SLC4A10: variants seen among roughly 807,000 people sequenced by gnomAD.
SLC4A10 encodes the protein sodium-driven chloride bicarbonate exchanger.
In SLC4A10, 42 loss-of-function variants were observed where a neutral mutation model predicts 137.7. That is an observed-to-expected ratio of 0.30 (90% confidence interval 0.24 to 0.39). The LOEUF (loss-of-function observed/expected upper bound fraction) is 0.39. Ranked by LOEUF, SLC4A10 falls within the 10% of genes least tolerant of loss-of-function variation. The pLI, the probability that SLC4A10 is intolerant of heterozygous loss-of-function variation, is 1.00. For missense variants in SLC4A10, 925 were observed against 1,355.0 expected, an observed-to-expected ratio of 0.68 and a Z score of 4.98; for synonymous variants, 474 against 464.1, an observed-to-expected ratio of 1.02 and a Z score of -0.27.
At chr2:161,904,969 C>A in intron 14 of SLC4A10, 60 bp downstream of exon 14, 2 of 1,530,972 alleles carry the variant, frequency 1.3e-6, no homozygotes, top group Non-Finnish European at 8.9e-7. Flanking sequence ...TGTATTTATA[C>A]TTCTCCCAAC....
intron 1 of SLC4A10, among the ~76,000 whole-genome samples, chr2:161,638,527 G>A (rs185617413): frequency 7.2e-5 from 11 of 152,186 alleles, no homozygotes; most frequent in Admixed American, 2.6e-4. Context: ...GGTTACTATT[G>A]TTTTGCAGTG....
intron 3 of SLC4A10, among the ~76,000 whole-genome samples, chr2:161,816,027 T>C (rs2057025078): frequency 6.6e-6 from 1 of 152,172 alleles, no homozygotes; most frequent in Non-Finnish European, 1.5e-5. Context: ...CTAGTACTAA[T>C]CTTCTGCCTT....
chr2:161,821,960 C>G (rs1355662605), intron 3 of SLC4A10, among the ~76,000 whole-genome samples: 1 of 152,048 alleles, frequency 6.6e-6, no homozygotes, highest in Non-Finnish European at 1.5e-5. Flanking sequence ...GAATAGATGA[C>G]CCTATTTCAA....
intron 1 of SLC4A10, among the ~76,000 whole-genome samples, chr2:161,750,549 A>G (rs1210948108): frequency 6.6e-6 from 1 of 151,680 alleles, no homozygotes; most frequent in Non-Finnish European, 1.5e-5. Context: ...TTCTCATTTT[A>G]TTCCTGCCGC....
At chr2:161,875,260 A>T (rs987115038) in intron 8 of SLC4A10, among the ~76,000 whole-genome samples, 4 of 152,126 alleles carry the variant, frequency 2.6e-5, no homozygotes, top group Admixed American at 1.3e-4. Flanking sequence ...TTTTAGCCTT[A>T]TGATTTTAGT....
intron 1 of SLC4A10, among the ~76,000 whole-genome samples, chr2:161,675,473 C>T (rs916264837): frequency 6.6e-6 from 1 of 152,104 alleles, no homozygotes; most frequent in Non-Finnish European, 1.5e-5. Flanking sequence ...AAATTAACTT[C>T]ATTGATGTTT....
intron 3 of SLC4A10, among the ~76,000 whole-genome samples, chr2:161,828,897 A>G (rs1398988978): frequency 1.4e-5 from 2 of 147,650 alleles, no homozygotes; most frequent in African/African-American, 2.5e-5. Flanking sequence ...AGCTACTGAG[A>G]TATTTTCTTG....
chr2:161,694,802 T>C (rs2124949892), intron 1 of SLC4A10, among the ~76,000 whole-genome samples: 1 of 152,184 alleles, frequency 6.6e-6, no homozygotes, highest in East Asian at 1.9e-4. Context: ...GGAAGAAATA[T>C]TAACACATCC....
intron 10 of SLC4A10, among the ~76,000 whole-genome samples, chr2:161,885,042 G>T (rs1213587177): frequency 6.6e-6 from 1 of 152,168 alleles, no homozygotes; most frequent in African/African-American, 2.4e-5. Flanking sequence ...GCTGGGTGTG[G>T]TGGCAGGTGC....
chr2:161,641,611 T>G (rs2035335605), intron 1 of SLC4A10, among the ~76,000 whole-genome samples: 1 of 152,094 alleles, frequency 6.6e-6, no homozygotes, highest in African/African-American at 2.4e-5. Flanking sequence ...AGTAGTACTT[T>G]CTATTTAGAT....
chr2:161,919,643 C>T (rs1020497957), intron 15 of SLC4A10, among the ~76,000 whole-genome samples: 1 of 152,156 alleles, frequency 6.6e-6, no homozygotes, highest in African/African-American at 2.4e-5. Flanking sequence ...TATACTGTCA[C>T]TCAATAAAGC....
At chr2:161,784,611 A>G (rs1234140346) in intron 2 of SLC4A10, among the ~76,000 whole-genome samples, 1 of 151,958 alleles carries the variant, frequency 6.6e-6, no homozygotes, top group Non-Finnish European at 1.5e-5. Context: ...TGAAAATATT[A>G]TAAATATGTG....
intron 1 of SLC4A10, among the ~76,000 whole-genome samples, chr2:161,628,038 T>A (rs1210623334): frequency 2.6e-5 from 4 of 152,136 alleles, no homozygotes; most frequent in Non-Finnish European, 2.9e-5. Flanking sequence ...AGAATATATG[T>A]AACAGTAATA....
intron 10 of SLC4A10, among the ~76,000 whole-genome samples, chr2:161,886,292 C>A (rs2062272598): frequency 6.6e-6 from 1 of 152,096 alleles, no homozygotes; most frequent in African/African-American, 2.4e-5. Context: ...CACATAGTAG[C>A]TACTTGGAAG....
chr2:161,648,914 C>T (rs949019520), intron 1 of SLC4A10, among the ~76,000 whole-genome samples: 1 of 151,962 alleles, frequency 6.6e-6, no homozygotes, highest in African/African-American at 2.4e-5. Context: ...AGTAATACCT[C>T]AGTGAAAAAC....
chr2:161,915,517 C>T (rs979929436), intron 15 of SLC4A10, among the ~76,000 whole-genome samples: 3 of 152,172 alleles, frequency 2.0e-5, no homozygotes, highest in African/African-American at 7.2e-5. Flanking sequence ...CTTCCCCATA[C>T]GATGAGGCAA....
chr2:161,874,893 G>A (rs1232399676), intron 8 of SLC4A10, among the ~76,000 whole-genome samples: 1 of 152,176 alleles, frequency 6.6e-6, no homozygotes, highest in Non-Finnish European at 1.5e-5. Flanking sequence ...GGGAGGTGCT[G>A]GAACAGTGCT....
intron 1 of SLC4A10, chr2:161,708,761 G>T: frequency 6.5e-7 from 1 of 1,532,370 alleles, no homozygotes; most frequent in Non-Finnish European, 8.7e-7. Flanking sequence ...GCAGTCTTTA[G>T]GGGTTTCTGG....
At chr2:161,896,415 A>G (rs185955682) in intron 11 of SLC4A10, among the ~76,000 whole-genome samples, 3 of 152,160 alleles carry the variant, frequency 2.0e-5, no homozygotes, top group African/African-American at 7.2e-5. Context: ...TTAGTTCCAT[A>G]TGAACTTTAA....
Sources: gnomAD v4.1 joint callset for allele counts (sites outside exome capture counted in the v4.1 genomes callset) on GRCh38, gnomAD v4.1.1 for gene constraint, MANE v1.5 for transcripts, NCBI Gene and HGNC (gene_info 2026-07-23, HGNC 2026-07-21) for gene names.